The following TMEM87B variants were observed in gnomAD, a reference collection of about 807,000 sequenced individuals.
The protein encoded by TMEM87B is transmembrane protein 87B.
Under a neutral mutation model 80.3 loss-of-function variants are expected in TMEM87B, and 83 were observed. That is an observed-to-expected ratio of 1.03 (90% CI 0.87 to 1.24). The LOEUF (loss-of-function observed/expected upper bound fraction) is 1.24. Among genes scored for constraint, TMEM87B ranks in the 50% most tolerant of loss-of-function variants. The pLI is 0.00. For missense variants in TMEM87B, 625 were observed against 674.4 expected (o/e 0.93, Z 0.81); for synonymous variants, 219 against 230.5 (o/e 0.95, Z 0.45).
chr2:112,070,852 T>TA (rs1473532107), intron 4 of TMEM87B, among the ~76,000 whole-genome samples: 1 of 151,518 alleles, frequency 6.6e-6, no homozygotes, highest in African/African-American at 2.4e-5. Context: ...GATGGAGTCT[T>TA]GCTCTGTCAC....
chr2:112,085,477 C>T (rs535515902), intron 8 of TMEM87B, among the ~76,000 whole-genome samples: 1 of 151,602 alleles, frequency 6.6e-6, no homozygotes, highest in South Asian at 2.1e-4. Context: ...TCTTCCAAGT[C>T]TGGAGGGATG....
chr2:112,071,496 G>A (rs914740690), intron 4 of TMEM87B, among the ~76,000 whole-genome samples: 4 of 151,798 alleles, frequency 2.6e-5, no homozygotes, highest in Non-Finnish European at 4.4e-5. Flanking sequence ...TAGTAGAGAC[G>A]GGGTTTCACC....
intron 3 of TMEM87B, 102 bp downstream of exon 3, chr2:112,064,355 GT>G: frequency 2.1e-6 from 2 of 954,294 alleles, no homozygotes; most frequent in Non-Finnish European, 3.2e-6. Flanking sequence ...AGAGATTACA[GT>G]TTTAGAAGTG....
chr2:112,107,865 G>T, intron 17 of TMEM87B, 25 bp downstream of exon 17: 1 of 1,520,378 alleles, frequency 6.6e-7, no homozygotes, highest in South Asian at 1.2e-5. Flanking sequence ...GTTACAGTTT[G>T]ATTGTAAATT....
At chr2:112,085,075 G>C (rs933171474) in intron 8 of TMEM87B, among the ~76,000 whole-genome samples, 1 of 152,236 alleles carries the variant, frequency 6.6e-6, no homozygotes, top group South Asian at 2.1e-4. Flanking sequence ...TGTAGGGCCA[G>C]ATTTGGCCCA....
At position 112,100,656 on chromosome 2, in the gene TMEM87B, G is replaced by A. The variant is rs745307346; in HGVS notation, c.1411G>A (p.Asp471Asn). 6.2e-7 allele frequency: 1 copy of A among 1,610,002 alleles called. No individual in the cohort carries two copies. Among genetic ancestry groups the A allele is most frequent in the African/African-American group, 1.3e-5 (1 of 74,914 alleles). Residue 471 changes from aspartate (D) to asparagine (N), a missense_variant, in exon 15 of 19, where the codon GAT (aspartate) becomes AAT (asparagine). By Grantham distance (23) the Asp-to-Asn change is conservative. Coordinates refer to ENST00000283206, the MANE Select transcript of TMEM87B (RefSeq NM_032824.3). Reference sequence around the variant, plus strand: ...CATGCCCTTAATAGATGATTCTGATGATGAAATTGAGGAATTCATGGTAAC... The same window carrying A: ...CATGCCCTTAATAGATGATTCTGATAATGAAATTGAGGAATTCATGGTAAC... ...AFMPLIDDSD[D>N]EIEEFMVTSE...
At chr2:112,064,482 A>C (rs1678354839) in intron 3 of TMEM87B, among the ~76,000 whole-genome samples, 1 of 152,252 alleles carries the variant, frequency 6.6e-6, no homozygotes, top group African/African-American at 2.4e-5. Flanking sequence ...AAATTCAGGC[A>C]CGTAGGAGTC....
At chr2:112,110,644 T>G (rs1679885391) in intron 17 of TMEM87B, among the ~76,000 whole-genome samples, 2 of 152,176 alleles carry the variant, frequency 1.3e-5, no homozygotes, top group African/African-American at 4.8e-5. Context: ...TGAATTGTAG[T>G]TTCTTTTATG....
intron 11 of TMEM87B, among the ~76,000 whole-genome samples, chr2:112,093,969 G>A (rs1254909873): frequency 6.6e-6 from 1 of 152,092 alleles, no homozygotes; most frequent in Non-Finnish European, 1.5e-5. Flanking sequence ...GTCATTGTGT[G>A]TTTAGAAAAT....
intron 6 of TMEM87B, among the ~76,000 whole-genome samples, chr2:112,080,724 T>G (rs1341768652): frequency 2.6e-5 from 4 of 152,226 alleles, no homozygotes; most frequent in African/African-American, 7.2e-5. Context: ...CAAAGAAGCT[T>G]TTTATATTGA....
rs115671404 is a variant in TMEM87B at position 112,101,457 on chromosome 2, T to G, written c.1450+762T>G. Among the ~76,000 whole-genome samples, 293 of 152,174 alleles carry G rather than the reference T, an allele frequency of 1.9e-3. 2 individuals are homozygous for G. The highest frequency in any genetic ancestry group is 6.3e-3 in the African/African-American group (261 of 41,526). The stretch of plus-strand genomic sequence containing the variant: ...CAGTGGACCCTTGAACAATGTAGGG[T>G]TAGGGGCACCAAACTCCTGAGCAGT... On this transcript the variant is annotated intron_variant, in intron 15 of 18. Transcript: ENST00000283206.
intron 10 of TMEM87B, among the ~76,000 whole-genome samples, chr2:112,090,847 A>G (rs1407827466): frequency 6.6e-6 from 1 of 152,216 alleles, no homozygotes; most frequent in Non-Finnish European, 1.5e-5. Flanking sequence ...AGCTGTATAA[A>G]TCAGATCATA....
At position 112,055,686 on chromosome 2, in the gene TMEM87B, T is replaced by G. The variant is rs1275191574; in HGVS notation, c.95T>G (p.Leu32Arg). ...RAPLLRVALC[L>R]LCWTPAAVRA... is the part of the protein sequence containing the mutation. ...CCGCTGCTGCGCGTCGCCCTCTGCC[T>G]CCTGTGCTGGACCCCGGCGGCTGTG... Residue 32 changes from leucine (L) to arginine (R), a missense_variant, in exon 1 of 19, where the codon CTC becomes CGC. Physicochemically the swap from Leu to Arg is moderately radical, Grantham distance 102. Transcript: ENST00000283206. The G allele has an allele frequency of 6.3e-7, 1 of 1,581,312 alleles. No homozygotes were observed. Among genetic ancestry groups the G allele is most frequent in the South Asian group, 1.1e-5 (1 of 87,880 alleles).
At chr2:112,092,042 A>C (rs1479667521) in intron 11 of TMEM87B, among the ~76,000 whole-genome samples, 1 of 152,180 alleles carries the variant, frequency 6.6e-6, no homozygotes, top group South Asian at 2.1e-4. Flanking sequence ...ATGTCCCTAA[A>C]TTTAAGGGAT....
chr2:112,061,412 A>G (rs1340656337), intron 2 of TMEM87B, among the ~76,000 whole-genome samples: 1 of 152,164 alleles, frequency 6.6e-6, no homozygotes, highest in African/African-American at 2.4e-5. Context: ...GTTGGGGGCA[A>G]TTCTTCCTTT....
At chr2:112,104,548 TA>T (rs774477438) in intron 15 of TMEM87B, among the ~76,000 whole-genome samples, 104 of 152,226 alleles carry the variant, frequency 6.8e-4, no homozygotes, top group Non-Finnish European at 1.1e-3. Flanking sequence ...TGGTTAAAAT[TA>T]AAAAGTCTGA....
intron 10 of TMEM87B, among the ~76,000 whole-genome samples, chr2:112,091,177 T>A (rs1164430477): frequency 6.6e-6 from 1 of 151,738 alleles, no homozygotes; most frequent in Non-Finnish European, 1.5e-5. Flanking sequence ...GAGGCAGAGG[T>A]TGCAGTGAGC....
chr2:112,105,887 T>C, intron 15 of TMEM87B, 115 bp from the exon 16 acceptor site: 1 of 661,230 alleles, frequency 1.5e-6, no homozygotes, highest in East Asian at 3.4e-5. Context: ...AAAGTTTCCA[T>C]TATTAACCCT....
At chr2:112,105,872 T>A in intron 15 of TMEM87B, 130 bp from the exon 16 acceptor site, 1 of 564,800 alleles carries the variant, frequency 1.8e-6, no homozygotes. Flanking sequence ...TCCAGCATCC[T>A]GCCTAAAGTT....
Sources: gnomAD v4.1 joint callset for allele counts (sites outside exome capture counted in the v4.1 genomes callset) on GRCh38, gnomAD v4.1.1 for gene constraint, MANE v1.5 for transcripts, NCBI Gene and HGNC (gene_info 2026-07-23, HGNC 2026-07-21) for gene names.